Variants in SHISAL2B observed in about 807,000 individuals in gnomAD.
SHISAL2B encodes the protein shisa like 2B, also known as protein shisa-like-2B.
Under a neutral mutation model 16.5 loss-of-function variants are expected in SHISAL2B, and 12 were observed. That is an observed-to-expected ratio of 0.73 (90% confidence interval 0.47 to 1.18). The LOEUF (loss-of-function observed/expected upper bound fraction) is 1.18, where lower values mean the gene tolerates loss of function less well. Among genes scored for constraint, SHISAL2B ranks in the 50% most tolerant of loss-of-function variants. The pLI, the probability that SHISAL2B is intolerant of heterozygous loss-of-function variation, is 0.00. For missense variants in SHISAL2B, 183 were observed against 193.6 expected (o/e 0.95, Z 0.33); for synonymous variants, 72 against 75.0 (o/e 0.96, Z 0.21).
intron 2 of SHISAL2B, among the ~76,000 whole-genome samples, chr5:64,696,501 C>G (rs1339641174): frequency 6.6e-6 from 1 of 152,108 alleles, no homozygotes; most frequent in Non-Finnish European, 1.5e-5. Flanking sequence ...ATAAATGGAC[C>G]TGCAAGTAGG....
At chr5:64,709,014 C>G (rs1244776404) in intron 2 of SHISAL2B, among the ~76,000 whole-genome samples, 2 of 151,488 alleles carry the variant, frequency 1.3e-5, no homozygotes, top group East Asian at 3.9e-4. Flanking sequence ...GATATGGAAG[C>G]TGCAGTGAGA....
chr5:64,698,944 T>C (rs1303323710), intron 2 of SHISAL2B, among the ~76,000 whole-genome samples: 1 of 152,240 alleles, frequency 6.6e-6, no homozygotes, highest in African/African-American at 2.4e-5. Flanking sequence ...TACAACGCAC[T>C]GTGCTAAATA....
chr5:64,699,755 C>A (rs745362924), intron 2 of SHISAL2B, among the ~76,000 whole-genome samples: 1 of 152,156 alleles, frequency 6.6e-6, no homozygotes, highest in Non-Finnish European at 1.5e-5. Context: ...GGACACTGAA[C>A]TTTTTTCCCT....
rs1474880269 is a variant in SHISAL2B, at chr5:64,690,551, C to T, written c.-73C>T. The T allele has an allele frequency of 1.2e-5, 15 of 1,281,370 alleles. No homozygotes were observed. The highest frequency in any genetic ancestry group is 1.4e-5 in the Non-Finnish European group (14 of 980,504). 79.4% of individuals were successfully genotyped at this position (1,281,370 alleles called of 1,614,324 possible). A position where few individuals can be genotyped will look rare whatever the true frequency, so the allele number is the denominator to read the frequency against. ...GTCCGGGCAGAGGGGTCCGCGGGCT[C>T]TGGAGGTGCTGGACGGGTGCGATCC... On this transcript the variant is annotated 5_prime_UTR_variant, in exon 1 of 3. Coordinates refer to ENST00000389074, the MANE Select transcript of SHISAL2B (RefSeq NM_001164442.2).
intron 2 of SHISAL2B, among the ~76,000 whole-genome samples, chr5:64,697,429 T>A (rs1282142256): frequency 1.3e-5 from 2 of 152,238 alleles, no homozygotes; most frequent in Non-Finnish European, 2.9e-5. Context: ...TAGAAATAAA[T>A]GTTTATGGTT....
intron 1 of SHISAL2B, among the ~76,000 whole-genome samples, 163 bp from the exon 2 acceptor site, chr5:64,695,344 A>G (rs1246844164): frequency 6.6e-6 from 1 of 152,270 alleles, no homozygotes; most frequent in East Asian, 1.9e-4. Context: ...TTGGTGGTGG[A>G]TAAAGGTGAA....
chr5:64,699,199 C>A (rs909472048), intron 2 of SHISAL2B, among the ~76,000 whole-genome samples: 1 of 152,170 alleles, frequency 6.6e-6, no homozygotes, highest in Non-Finnish European at 1.5e-5. Flanking sequence ...ACACCTTTCC[C>A]AAATGCATGC....
In SHISAL2B at chr5:64,690,829, C is replaced by G. The variant is rs1398629423; in HGVS notation, c.191+15C>G. ...TGGAGCCTCAGGTGGGCTGAGAGCC[C>G]GCGCGTGCGGCGGCTGGCCGAGCCC... On this transcript the variant is annotated intron_variant, in intron 1 of 2. Transcript: ENST00000389074. The G allele has an allele frequency of 7.4e-6, 11 of 1,485,776 alleles. No homozygotes were observed. The highest frequency in any genetic ancestry group is 9.8e-6 in the Non-Finnish European group (11 of 1,118,978). 92.0% of individuals were successfully genotyped at this position (1,485,776 alleles called of 1,614,324 possible).
intron 2 of SHISAL2B, among the ~76,000 whole-genome samples, chr5:64,704,963 A>G (rs1165335783): frequency 2.0e-5 from 3 of 152,188 alleles, no homozygotes; most frequent in Non-Finnish European, 4.4e-5. Context: ...AACCTGCAGG[A>G]AGAGAGAACG....
Position 64,718,160 on chromosome 5 carries a change from C to CA in SHISAL2B, c.*139dup. 1.6e-6 allele frequency: 1 copy of CA among 631,682 alleles called. No individual in the cohort carries two copies. The highest frequency in any genetic ancestry group is 2.4e-6 in the Non-Finnish European group (1 of 409,896). 39.1% of individuals were successfully genotyped at this position (631,682 alleles called of 1,614,324 possible). A position where few individuals can be genotyped will look rare whatever the true frequency, so the allele number is the denominator to read the frequency against. The stretch of plus-strand genomic sequence containing the variant: ...AGACACAGCTGCATTTTTGATCATT[C>CA]AGTTACTTTATTAAACGCACATTAA... On this transcript the variant is annotated 3_prime_UTR_variant, in exon 3 of 3. Transcript: ENST00000389074.
At position 64,695,656 on chromosome 5, in the gene SHISAL2B, C is replaced by T. The variant is rs1580518676; in HGVS notation, c.341C>T (p.Thr114Ile). 4 of 1,527,350 alleles carry T rather than the reference C, an allele frequency of 2.6e-6. No homozygotes were observed. Among genetic ancestry groups the T allele is most frequent in the African/African-American group, 1.4e-5 (1 of 72,730 alleles). 94.6% of individuals were successfully genotyped at this position (1,527,350 alleles called of 1,614,324 possible). Residue 114 changes from threonine to isoleucine, a missense_variant, in exon 2 of 3, where the codon ACT becomes ATT. Thr to Ile is a moderately conservative substitution (Grantham distance 89, BLOSUM62 -1). Coordinates refer to ENST00000389074, the MANE Select transcript of SHISAL2B (RefSeq NM_001164442.2). ...LKLQHLEASS[T>I]QEGKSNGKTK... ...CTTCAACACTTAGAGGCTTCTTCCA[C>T]TCAAGAAGGTAATCAGTATCTATTA...
chr5:64,712,022 T>C (rs1741965724), intron 2 of SHISAL2B, among the ~76,000 whole-genome samples: 2 of 65,788 alleles, frequency 3.0e-5, no homozygotes, highest in South Asian at 6.5e-4. Flanking sequence ...GAAGGGTTTT[T>C]TGTGTCTCTA....
chr5:64,704,401 A>G (rs889756275), intron 2 of SHISAL2B, among the ~76,000 whole-genome samples: 1 of 152,286 alleles, frequency 6.6e-6, no homozygotes, highest in Non-Finnish European at 1.5e-5. Flanking sequence ...GATGAATTGG[A>G]TTTAAATTTT....
At chr5:64,695,134 G>A (rs138263749) in intron 1 of SHISAL2B, among the ~76,000 whole-genome samples, 30 of 152,106 alleles carry the variant, frequency 2.0e-4, no homozygotes, top group East Asian at 7.7e-4. Context: ...GCATGATGGC[G>A]TGCACCTGTA....
At chr5:64,711,071 T>C (rs1445032973) in intron 2 of SHISAL2B, among the ~76,000 whole-genome samples, 1 of 138,678 alleles carries the variant, frequency 7.2e-6, no homozygotes, top group Non-Finnish European at 1.5e-5. Context: ...CTTCCAACAC[T>C]ATGTTGAATA....
chr5:64,712,435 T>G lies in SHISAL2B; in HGVS notation c.350-5454T>G, dbSNP rs1296331964. Among the ~76,000 whole-genome samples, 4 of 152,210 alleles carry G rather than the reference T, an allele frequency of 2.6e-5. No individual in the cohort carries two copies. In the East Asian group the frequency reaches 7.7e-4, roughly 29 times the overall value. The stretch of plus-strand genomic sequence containing the variant: ...GTTATAATTTCTGTTCTTTTACATT[T>G]GCTGAGGAGAGTTTTACTTCCAACT... On this transcript the variant is annotated intron_variant, in intron 2 of 2. Coordinates refer to ENST00000389074, the MANE Select transcript of SHISAL2B (RefSeq NM_001164442.2).
chr5:64,709,876 T>A (rs907730768), intron 2 of SHISAL2B, among the ~76,000 whole-genome samples: 2 of 152,208 alleles, frequency 1.3e-5, no homozygotes. Context: ...GCCCACTTTT[T>A]GATGGGGTTG....
At position 64,718,117 on chromosome 5, in the gene SHISAL2B, T is replaced by G. The variant is rs573043646; in HGVS notation, c.*95T>G. The G allele has an allele frequency of 1.2e-4, 130 of 1,126,966 alleles. No individual in the cohort carries two copies. Among genetic ancestry groups the G allele is most frequent in the Non-Finnish European group, 1.5e-4 (124 of 848,082 alleles). 69.8% of individuals were successfully genotyped at this position (1,126,966 alleles called of 1,614,324 possible). A position where few individuals can be genotyped will look rare whatever the true frequency, so the allele number is the denominator to read the frequency against. ...GGTTTGTAATATTGCTTTTCAAAAA[T>G]TCGTCACTCACAAAGCAAGACACAG... On this transcript the variant is annotated 3_prime_UTR_variant, in exon 3 of 3. Coordinates refer to ENST00000389074, the MANE Select transcript of SHISAL2B (RefSeq NM_001164442.2).
intron 2 of SHISAL2B, among the ~76,000 whole-genome samples, chr5:64,712,265 C>T (rs1366073138): frequency 6.6e-6 from 1 of 151,480 alleles, no homozygotes; most frequent in African/African-American, 2.4e-5. Flanking sequence ...TTTCAAAGAA[C>T]ATCTTTATTT....
Sources: allele counts gnomAD v4.1 joint callset (sites outside exome capture counted in the v4.1 genomes callset), GRCh38; gene constraint gnomAD v4.1.1; transcripts MANE v1.5; gene names NCBI Gene and HGNC (gene_info 2026-07-23, HGNC 2026-07-21).